ZFPM2: variants seen among roughly 807,000 people sequenced by gnomAD.
The protein encoded by ZFPM2 is zinc finger protein ZFPM2.
ZFPM2 carries 20 observed loss-of-function variants against 98.6 expected under a neutral mutation model. The observed-to-expected ratio is 0.20, with a 90% confidence interval of 0.14 to 0.29. ZFPM2 has a LOEUF of 0.29. Ranked by LOEUF, ZFPM2 falls within the 10% of genes least tolerant of loss-of-function variation. The pLI, the probability that ZFPM2 is intolerant of heterozygous loss-of-function variation, is 1.00. For missense variants in ZFPM2, 1,310 were observed against 1,388.6 expected (o/e 0.94, Z 0.90); for synonymous variants, 518 against 502.7 (o/e 1.03, Z -0.41).
chr8:105,784,581 T>C (rs1171445585), intron 5 of ZFPM2, among the ~76,000 whole-genome samples: 1 of 146,076 alleles, frequency 6.8e-6, no homozygotes, highest in Non-Finnish European at 1.5e-5. Context: ...TTATATGTTA[T>C]TTATTATATG....
chr8:105,685,785 G>A (rs1384207121), intron 5 of ZFPM2: 1 of 151,966 alleles, frequency 6.6e-6, no homozygotes, highest in Non-Finnish European at 1.5e-5. Context: ...ATTTATTTTT[G>A]GAAGTGTGTC....
chr8:105,677,665 A>G (rs1300425574), intron 5 of ZFPM2, among the ~76,000 whole-genome samples: 1 of 151,722 alleles, frequency 6.6e-6, no homozygotes, highest in African/African-American at 2.4e-5. Context: ...TGCTTTGAAT[A>G]ATAGGATTTG....
Position 105,801,028 on chromosome 8 carries a change from AT to A in ZFPM2, c.965-15del, listed in dbSNP as rs1813983848. 6.3e-7 allele frequency: 1 copy of A among 1,590,334 alleles called. No individual in the cohort carries two copies. The highest frequency in any genetic ancestry group is 8.6e-7 in the Non-Finnish European group (1 of 1,165,250). On this transcript the variant is annotated intron_variant, in intron 7 of 7. Coordinates refer to ENST00000407775, the MANE Select transcript of ZFPM2 (RefSeq NM_012082.4). ...AACACACATGTTTCTCATTGTTCTT[AT>A]TTTGTATGTCTCTCTAGGAGTGAAA...
At chr8:105,794,730 C>T (rs1448489179) in intron 6 of ZFPM2, among the ~76,000 whole-genome samples, 1 of 152,218 alleles carries the variant, frequency 6.6e-6, no homozygotes, top group African/African-American at 2.4e-5. Context: ...GTGGTGGGCT[C>T]CACCCAGTTG....
rs116003104 is a variant in ZFPM2 at position 105,526,214 on chromosome 8, C to T, written c.302-35149C>T. Among the ~76,000 whole-genome samples the T allele has an allele frequency of 2.3e-3, 352 of 152,202 alleles. 3 individuals carry two copies. The highest frequency in any genetic ancestry group is 7.9e-3 in the African/African-American group (330 of 41,534). ...GAAAATATTCTCACTCATGTCCTCC[C>T]GGCCTCTGCTCTTCAAATATTCCAA... On this transcript the variant is annotated intron_variant, in intron 3 of 7. Coordinates refer to ENST00000407775, the MANE Select transcript of ZFPM2 (RefSeq NM_012082.4).
chr8:105,755,878 G>T (rs1486517495), intron 5 of ZFPM2, among the ~76,000 whole-genome samples: 1 of 152,064 alleles, frequency 6.6e-6, no homozygotes, highest in African/African-American at 2.4e-5. Context: ...GCAATCTCTG[G>T]CTATTAAGAT....
chr8:105,323,576 A>G (rs774215328), intron 1 of ZFPM2, among the ~76,000 whole-genome samples: 1 of 151,944 alleles, frequency 6.6e-6, no homozygotes, highest in Non-Finnish European at 1.5e-5. Context: ...CATAAAAATA[A>G]TTTCCTGATT....
At chr8:105,788,579 C>T (rs1813491897) in intron 5 of ZFPM2, 139 bp from the exon 6 acceptor site, 2 of 776,724 alleles carry the variant, frequency 2.6e-6, no homozygotes, top group Non-Finnish European at 4.3e-6. Context: ...AGGAACACAG[C>T]TGTTGCCTTG....
intron 6 of ZFPM2, chr8:105,795,617 A>T (rs1438846218): frequency 5.1e-6 from 1 of 195,822 alleles, no homozygotes; most frequent in Admixed American, 6.1e-5. Flanking sequence ...TTAAAAAAAA[A>T]AAAAAGAAAG....
intron 3 of ZFPM2, among the ~76,000 whole-genome samples, chr8:105,470,820 G>A (rs1812888894): frequency 6.6e-6 from 1 of 151,362 alleles, no homozygotes; most frequent in African/African-American, 2.4e-5. Flanking sequence ...ATCTTTCATT[G>A]ATGATATTAG....
At chr8:105,468,464 G>A (rs1812835682) in intron 3 of ZFPM2, among the ~76,000 whole-genome samples, 1 of 152,076 alleles carries the variant, frequency 6.6e-6, no homozygotes, top group Non-Finnish European at 1.5e-5. Flanking sequence ...AACTGGCTGT[G>A]TGTTACTTTG....
At chr8:105,413,507 T>C (rs4734862) in intron 1 of ZFPM2, among the ~76,000 whole-genome samples, 34,802 of 134,936 alleles carry the variant, frequency 0.26, 4,518 homozygotes, top group Admixed American at 0.34. Flanking sequence ...TATATATATA[T>C]ACACACACAC....
At chr8:105,440,460 C>T (rs1391744645) in intron 2 of ZFPM2, among the ~76,000 whole-genome samples, 1 of 152,002 alleles carries the variant, frequency 6.6e-6, no homozygotes, top group East Asian at 1.9e-4. Flanking sequence ...GGCCCCAAAT[C>T]ATAAAAGTAG....
chr8:105,501,538 C>G (rs576395191), intron 3 of ZFPM2, among the ~76,000 whole-genome samples: 134 of 149,886 alleles, frequency 8.9e-4, no homozygotes, highest in African/African-American at 3.1e-3. Context: ...GAGTCTCACT[C>G]TGTCACCCAG....
At chr8:105,738,185 T>C (rs1812126871) in intron 5 of ZFPM2, among the ~76,000 whole-genome samples, 1 of 152,006 alleles carries the variant, frequency 6.6e-6, no homozygotes, top group African/African-American at 2.4e-5. Context: ...CTCAATCCTC[T>C]GATAGACCTA....
intron 4 of ZFPM2, among the ~76,000 whole-genome samples, chr8:105,580,609 A>G (rs1815569224): frequency 6.6e-6 from 1 of 152,100 alleles, no homozygotes; most frequent in African/African-American, 2.4e-5. Context: ...AACAACTAGT[A>G]GTGTTTAAGT....
chr8:105,755,837 G>A (rs983666165), intron 5 of ZFPM2, among the ~76,000 whole-genome samples: 2 of 151,986 alleles, frequency 1.3e-5, no homozygotes, highest in African/African-American at 2.4e-5. Context: ...GTGTTTCCCC[G>A]AGGTAATTTG....
intron 3 of ZFPM2, among the ~76,000 whole-genome samples, chr8:105,510,248 C>T (rs1293598260): frequency 6.6e-6 from 1 of 152,088 alleles, no homozygotes; most frequent in African/African-American, 2.4e-5. Context: ...TCACCTCACT[C>T]CCTATATGAA....
At chr8:105,744,588 G>A (rs1413552000) in intron 5 of ZFPM2, among the ~76,000 whole-genome samples, 1 of 152,022 alleles carries the variant, frequency 6.6e-6, no homozygotes, top group Non-Finnish European at 1.5e-5. Context: ...GTATATAACT[G>A]GGGAAACACA....
Sources: allele counts gnomAD v4.1 joint callset (sites outside exome capture counted in the v4.1 genomes callset), GRCh38; gene constraint gnomAD v4.1.1; transcripts MANE v1.5; gene names NCBI Gene and HGNC (gene_info 2026-07-23, HGNC 2026-07-21).